The following RPS6KC1 variants were observed in gnomAD, a reference collection of about 807,000 sequenced individuals.
The protein encoded by RPS6KC1 is inactive ribosomal protein S6 kinase delta-1.
RPS6KC1 carries 54 observed loss-of-function variants against 103.8 expected under a neutral mutation model. The ratio of observed to expected loss-of-function variants is 0.52; its 90% CI spans 0.42 to 0.65. The LOEUF (loss-of-function observed/expected upper bound fraction) is 0.65, where lower values mean the gene tolerates loss of function less well. Among genes scored for constraint, RPS6KC1 ranks in the 30% least tolerant of loss-of-function variants. The probability of loss-of-function intolerance (pLI) is 0.00; values close to 1 mark genes in which losing one functional copy is unlikely to be tolerated. For synonymous variants in RPS6KC1, 439 were observed against 438.7 expected (o/e 1.00, Z -0.01); for missense variants, 1,151 against 1,253.8 (o/e 0.92, Z 1.24).
chr1:213,205,010 A>T (rs1231570697), intron 8 of RPS6KC1, among the ~76,000 whole-genome samples: 2 of 152,012 alleles, frequency 1.3e-5, no homozygotes, highest in African/African-American at 2.4e-5. Context: ...TCTCATTTTG[A>T]TTAGTGGCCA....
chr1:213,420,273 T>C, the RPS6KC1 span, among the ~76,000 whole-genome samples: 1 of 152,182 alleles, frequency 6.6e-6, no homozygotes, highest in Non-Finnish European at 1.5e-5. Context: ...CTGTCCTGGT[T>C]TTCTCAGAGA....
the RPS6KC1 span, among the ~76,000 whole-genome samples, chr1:213,304,205 C>CAAAAAA: frequency 2.8e-5 from 2 of 70,532 alleles, no homozygotes; most frequent in African/African-American, 4.9e-5. Context: ...GACTCCATCT[C>CAAAAAA]AAAAAAAAAA....
chr1:213,207,266 C>T (rs745349211), intron 8 of RPS6KC1, among the ~76,000 whole-genome samples: 1 of 152,212 alleles, frequency 6.6e-6, no homozygotes, highest in East Asian at 1.9e-4. Flanking sequence ...TAGAAATCCA[C>T]ACTAGGAAAG....
chr1:213,083,926 C>T (rs1034563844), intron 3 of RPS6KC1, among the ~76,000 whole-genome samples: 1 of 152,094 alleles, frequency 6.6e-6, no homozygotes, highest in Non-Finnish European at 1.5e-5. Context: ...CTCCATGTGT[C>T]GTTACATGTT....
the RPS6KC1 span, among the ~76,000 whole-genome samples, chr1:213,530,419 A>G: frequency 6.6e-6 from 1 of 152,212 alleles, no homozygotes; most frequent in African/African-American, 2.4e-5. Context: ...TCCTGTTCCT[A>G]TACATGACAT....
the RPS6KC1 span, among the ~76,000 whole-genome samples, chr1:213,731,944 A>G: frequency 2.0e-5 from 3 of 150,994 alleles, no homozygotes; most frequent in Non-Finnish European, 3.0e-5. Context: ...AAAACAAGTT[A>G]CAAAATAGTA....
chr1:213,726,498 T>C, the RPS6KC1 span, among the ~76,000 whole-genome samples: 1 of 152,258 alleles, frequency 6.6e-6, no homozygotes, highest in South Asian at 2.1e-4. Flanking sequence ...GATGGTGTTG[T>C]TGGCTTTCAG....
At chr1:213,829,947 T>C in the RPS6KC1 span, among the ~76,000 whole-genome samples, 4 of 152,218 alleles carry the variant, frequency 2.6e-5, no homozygotes, top group Non-Finnish European at 5.9e-5. Context: ...CAGTTATCAC[T>C]TGGCAGAAGC....
At chr1:213,226,285 CT>C (rs1558579409) in intron 8 of RPS6KC1, among the ~76,000 whole-genome samples, 1 of 151,644 alleles carries the variant, frequency 6.6e-6, no homozygotes, top group Non-Finnish European at 1.5e-5. Flanking sequence ...CACTAAATGT[CT>C]TCACAGATTC....
At chr1:213,807,853 T>C in the RPS6KC1 span, among the ~76,000 whole-genome samples, 1 of 152,202 alleles carries the variant, frequency 6.6e-6, no homozygotes, top group Non-Finnish European at 1.5e-5. Context: ...AGAGGTGCTC[T>C]GCTTTTTAGA....
At chr1:213,249,378 C>A (rs918704259) in intron 12 of RPS6KC1, among the ~76,000 whole-genome samples, 1 of 152,196 alleles carries the variant, frequency 6.6e-6, no homozygotes, top group Non-Finnish European at 1.5e-5. Flanking sequence ...TCCTTCTGAG[C>A]AGTTCTTCAC....
chr1:213,445,116 A>T, the RPS6KC1 span, among the ~76,000 whole-genome samples: 1 of 152,192 alleles, frequency 6.6e-6, no homozygotes, highest in Non-Finnish European at 1.5e-5. Flanking sequence ...GGCTTTTTGT[A>T]TCTGGCTTGT....
At chr1:213,134,117 G>A (rs1251127334) in intron 6 of RPS6KC1, among the ~76,000 whole-genome samples, 1 of 151,896 alleles carries the variant, frequency 6.6e-6, no homozygotes, top group East Asian at 1.9e-4. Flanking sequence ...ATTGAGTGAC[G>A]GCCCTTCAAG....
At chr1:213,504,910 T>C in the RPS6KC1 span, among the ~76,000 whole-genome samples, 1 of 152,162 alleles carries the variant, frequency 6.6e-6, no homozygotes, top group East Asian at 1.9e-4. Context: ...TTGTCTGATA[T>C]GATGCATAGC....
chr1:213,289,890 T>G, the RPS6KC1 span, among the ~76,000 whole-genome samples: 2 of 151,868 alleles, frequency 1.3e-5, no homozygotes, highest in African/African-American at 2.4e-5. Flanking sequence ...AATACAAAAT[T>G]TAGCTGGGCG....
At chr1:213,707,652 A>G in the RPS6KC1 span, among the ~76,000 whole-genome samples, 1 of 152,106 alleles carries the variant, frequency 6.6e-6, no homozygotes, top group Non-Finnish European at 1.5e-5. Flanking sequence ...CTAGGTTTTC[A>G]TCTAGGGTTT....
the RPS6KC1 span, among the ~76,000 whole-genome samples, chr1:213,299,571 AT>A: frequency 1.0e-4 from 14 of 135,336 alleles, no homozygotes; most frequent in South Asian, 2.4e-4. Context: ...AAAAAAAAAA[AT>A]ATGTCGTGAG....
the RPS6KC1 span, among the ~76,000 whole-genome samples, chr1:213,334,569 A>T: frequency 6.6e-6 from 1 of 152,184 alleles, no homozygotes; most frequent in Non-Finnish European, 1.5e-5. Context: ...GGAAAGAGAG[A>T]AGTCTTAACC....
At chr1:213,595,901 A>C in the RPS6KC1 span, among the ~76,000 whole-genome samples, 1 of 152,228 alleles carries the variant, frequency 6.6e-6, no homozygotes, top group Non-Finnish European at 1.5e-5. Flanking sequence ...CTGAAGAATC[A>C]CTAAACGTGG....
Sources: gnomAD v4.1 joint callset for allele counts (sites outside exome capture counted in the v4.1 genomes callset) on GRCh38, gnomAD v4.1.1 for gene constraint, MANE v1.5 for transcripts, NCBI Gene and HGNC (gene_info 2026-07-23, HGNC 2026-07-21) for gene names.